The following APOBEC3B variants were observed in gnomAD, a reference collection of about 807,000 sequenced individuals.
APOBEC3B encodes apolipoprotein B mRNA editing enzyme catalytic subunit 3B, also known as DNA dC->dU-editing enzyme APOBEC-3B.
Under a neutral mutation model 53.4 loss-of-function variants are expected in APOBEC3B, and 29 were observed. That is an observed-to-expected ratio of 0.54 (90% CI 0.40 to 0.74). The LOEUF (loss-of-function observed/expected upper bound fraction) is 0.74, where lower values mean the gene tolerates loss of function less well. Among genes scored for constraint, APOBEC3B ranks in the 30% least tolerant of loss-of-function variants. The pLI, the probability that APOBEC3B is intolerant of heterozygous loss-of-function variation, is 0.00. For missense variants in APOBEC3B, 347 were observed against 496.2 expected (o/e 0.70, Z 2.86); for synonymous variants, 132 against 184.8 (o/e 0.71, Z 2.32).
chr22:38,986,436 T>TCA, intron 4 of APOBEC3B, 24 bp downstream of exon 4: 1 of 1,587,286 alleles, frequency 6.3e-7, no homozygotes, highest in Non-Finnish European at 8.6e-7. Flanking sequence ...TCTGGCCTCA[T>TCA]CATCTCTCTC....
rs771980892 is a variant in APOBEC3B, at chr22:38,989,591, T to A, written c.704T>A (p.Met235Lys). The A allele has an allele frequency of 1.3e-6, 2 of 1,578,598 alleles. No homozygotes were observed. The highest frequency in any genetic ancestry group is 3.8e-4 in the Middle Eastern group (2 of 5,264). The change falls in exon 5 of 8, where the codon ATG becomes AAG. Residue 235 changes from methionine (M) to lysine (K), a missense_variant. Met to Lys is a moderately conservative substitution (Grantham distance 95, BLOSUM62 -1). Coordinates refer to ENST00000333467, the MANE Select transcript of APOBEC3B (RefSeq NM_004900.5). ...ACCTGGGTCCTGATGGACCAGCACA[T>A]GGGCTTTCTATGCAACGAGGTGACC... ...NGTWVLMDQH[M>K]GFLCNEAKNL...
chr22:38,989,384 G>C lies in APOBEC3B; in HGVS notation c.570-73G>C, dbSNP rs145106413. ...ATGGGGAGCAGGGAAGGAGTGGGGG[G>C]TGCAGGAGAGGAGCGAGAGGTAGTC... On this transcript the variant is annotated intron_variant, in intron 4 of 7. Coordinates refer to ENST00000333467, the MANE Select transcript of APOBEC3B (RefSeq NM_004900.5). 587 of 1,389,342 alleles carry C rather than the reference G, an allele frequency of 4.2e-4. 113 individuals carry two copies. In the East Asian group the frequency reaches 0.016, roughly 38 times the overall value. The allele number at this position is 1,389,342 out of a possible 1,614,324, so 86.1% of individuals were successfully genotyped here.
intron 4 of APOBEC3B, among the ~76,000 whole-genome samples, chr22:38,986,744 C>G (rs1051153608): frequency 6.7e-6 from 1 of 149,012 alleles, no homozygotes; most frequent in African/African-American, 2.4e-5. Context: ...TTCCAGGGAA[C>G]AACTCTGGGC....
intron 4 of APOBEC3B, among the ~76,000 whole-genome samples, chr22:38,987,849 C>G (rs1195506931): frequency 6.7e-6 from 1 of 148,436 alleles, no homozygotes; most frequent in Non-Finnish European, 1.5e-5. Context: ...ATAATCCTAG[C>G]TCTTTGGGAG....
intron 2 of APOBEC3B, 140 bp downstream of exon 2, chr22:38,984,371 C>G: frequency 9.1e-7 from 1 of 1,101,696 alleles, no homozygotes; most frequent in African/African-American, 1.6e-5. Flanking sequence ...GAGCCCTTAA[C>G]AAAGACAGAC....
rs1367446437 is a variant in APOBEC3B at position 38,987,728 on chromosome 22, C to T, written c.569+1316C>T. 2.0e-5 allele frequency among the ~76,000 whole-genome samples: 3 copies of T among 148,646 alleles called. 1 individual carries two copies. In the East Asian group the frequency reaches 6.8e-4, roughly 34 times the overall value. On this transcript the variant is annotated intron_variant, in intron 4 of 7. Coordinates refer to ENST00000333467, the MANE Select transcript of APOBEC3B (RefSeq NM_004900.5). ...ACACGACCCCAGACACAGGCTCCTC[C>T]TCCGTGAGCACCATTCACCTTTTAG...
chr22:38,983,936 A>G (rs1923630348), intron 1 of APOBEC3B, 139 bp from the exon 2 acceptor site: 2 of 1,037,436 alleles, frequency 1.9e-6, no homozygotes, highest in Non-Finnish European at 2.7e-6. Context: ...CCTGCCTGGG[A>G]AGGCAGCAGA....
In APOBEC3B at chr22:38,991,984, GC is replaced by G. The variant is rs1480674831; in HGVS notation, c.1019-45del. On this transcript the variant is annotated intron_variant, in intron 6 of 7. Coordinates refer to ENST00000333467, the MANE Select transcript of APOBEC3B (RefSeq NM_004900.5). Reference sequence around the variant, plus strand: ...CTGAGAGTCATGGGCCCTTGGTGCTGCCCCCTCCCCACAACAGGAGCGTGAC... The same window carrying G: ...CTGAGAGTCATGGGCCCTTGGTGCTGCCCCTCCCCACAACAGGAGCGTGAC... The G allele has an allele frequency of 7.9e-6, 12 of 1,509,436 alleles. 2 individuals are homozygous for G. Among genetic ancestry groups the G allele is most frequent in the Non-Finnish European group, 1.1e-5 (12 of 1,131,788 alleles). 93.5% of individuals were successfully genotyped at this position (1,509,436 alleles called of 1,614,324 possible). A position where few individuals can be genotyped will look rare whatever the true frequency, so the allele number is the denominator to read the frequency against.
At chr22:38,982,549 T>TGC in intron 1 of APOBEC3B, 79 bp downstream of exon 1, 2 of 1,520,116 alleles carry the variant, frequency 1.3e-6, no homozygotes, top group Non-Finnish European at 9.0e-7. Context: ...AACCCTGGCC[T>TGC]CCCCCCGCCC....
In APOBEC3B at chr22:38,992,655, C is replaced by T; in HGVS notation, c.*210C>T. 3 of 1,367,538 alleles carry T rather than the reference C, an allele frequency of 2.2e-6. No individual in the cohort carries two copies. The highest frequency in any genetic ancestry group is 3.0e-5 in the South Asian group (2 of 66,554). 84.7% of individuals were successfully genotyped at this position (1,367,538 alleles called of 1,614,324 possible). On this transcript the variant is annotated 3_prime_UTR_variant, in exon 8 of 8. Coordinates refer to ENST00000333467, the MANE Select transcript of APOBEC3B (RefSeq NM_004900.5). ...AAATTTCTCTTATGTTCCAAGTGTA[C>T]AAGAGTAAGATTATGCTCAATATTC... is the stretch of plus-strand genomic sequence containing the variant.
At position 38,989,505 on chromosome 22, in the gene APOBEC3B, T is replaced by C. The variant is rs35949382; in HGVS notation, c.618T>C (p.Pro206=). ...DTFTFNFNND[P]LVLRRRQTYL... is the part of the protein sequence containing the mutation. ...TCACTTTCAACTTTAATAATGACCC[T>C]TTGGTCCTTCGACGGCGCCAGACCT... Residue 206 remains proline (P), a synonymous_variant, in exon 5 of 8, where the codon CCT becomes CCC. Transcript: ENST00000333467. The C allele has an allele frequency of 5.8e-3, 9,174 of 1,588,660 alleles. 776 individuals carry two copies. Among genetic ancestry groups the C allele is most frequent in the African/African-American group, 0.057 (4,202 of 74,182 alleles).
intron 6 of APOBEC3B, 114 bp downstream of exon 6, chr22:38,991,740 G>A (rs1429291670): frequency 7.5e-6 from 10 of 1,333,092 alleles, no homozygotes; most frequent in Non-Finnish European, 1.0e-5. Flanking sequence ...TGGACTCTGG[G>A]ACCTGACTTT....
In APOBEC3B at chr22:38,987,167, A is replaced by C. The variant is rs554059556; in HGVS notation, c.569+755A>C. Among the ~76,000 whole-genome samples the C allele has an allele frequency of 1.4e-3, 215 of 148,908 alleles. 8 individuals are homozygous for C. Among genetic ancestry groups the C allele is most frequent in the African/African-American group, 5.0e-3 (204 of 41,012 alleles). ...GACAAGCCTGCCAGGGAGGCTGCAC[A>C]TGAAGCCCCAGATCAGGGACCACTG... is the stretch of plus-strand genomic sequence containing the variant. On this transcript the variant is annotated intron_variant, in intron 4 of 7. Coordinates refer to ENST00000333467, the MANE Select transcript of APOBEC3B (RefSeq NM_004900.5).
At chr22:38,986,493 C>A (rs533905627) in intron 4 of APOBEC3B, 81 bp downstream of exon 4, 1 of 1,474,994 alleles carries the variant, frequency 6.8e-7, no homozygotes, top group Non-Finnish European at 9.2e-7. Flanking sequence ...CTGGCCCTCC[C>A]GCCCTCCCTC....
At chr22:38,983,886 G>A (rs553358785) in intron 1 of APOBEC3B, among the ~76,000 whole-genome samples, 189 bp from the exon 2 acceptor site, 11 of 147,770 alleles carry the variant, frequency 7.4e-5, no homozygotes, top group Non-Finnish European at 1.2e-4. Context: ...ACCCCAGCCC[G>A]CCTGCCAGCA....
At position 38,986,889 on chromosome 22, in the gene APOBEC3B, A is replaced by G. The variant is rs1603267987; in HGVS notation, c.569+477A>G. ...TGTGAAGGCATGGGGGAAGGCAGAC[A>G]CCTGCCCCTGACTCTCCCTCACTAC... On this transcript the variant is annotated intron_variant, in intron 4 of 7. Coordinates refer to ENST00000333467, the MANE Select transcript of APOBEC3B (RefSeq NM_004900.5). 2.0e-5 allele frequency among the ~76,000 whole-genome samples: 3 copies of G among 148,016 alleles called. 1 individual carries two copies. In the East Asian group the frequency reaches 6.9e-4, roughly 34 times the overall value.
chr22:38,983,624 C>T lies in APOBEC3B; in HGVS notation c.18-451C>T, dbSNP rs115608253. Among the ~76,000 whole-genome samples, 1,135 of 149,172 alleles carry T rather than the reference C, an allele frequency of 7.6e-3. 67 individuals are homozygous for T. Among genetic ancestry groups the T allele is most frequent in the African/African-American group, 0.022 (910 of 41,076 alleles). ...GGGTAGCCTCACGTGAGCTCACACC[C>T]GCTCAGCACTTAGAAGAGTGGCCTG... On this transcript the variant is annotated intron_variant, in intron 1 of 7. Coordinates refer to ENST00000333467, the MANE Select transcript of APOBEC3B (RefSeq NM_004900.5).
Position 38,989,459 on chromosome 22 carries a change from A to G in APOBEC3B, c.572A>G (p.Tyr191Cys). The G allele has an allele frequency of 6.4e-7, 1 of 1,566,338 alleles. No homozygotes were observed. ...LHRTLKEILR[Y>C]LMDPDTFTFN... is the part of the protein sequence containing the mutation. ...GTTTCCCCTGTCTTTGTCCACAGAT[A>G]CCTGATGGATCCAGACACATTCACT... is the stretch of plus-strand genomic sequence containing the variant. The change falls in exon 5 of 8, where the codon TAC becomes TGC. Residue 191 changes from tyrosine to cysteine, a missense_variant and splice_region_variant. This residue lies in a region of APOBEC3B where 156 missense variants were observed against 166.7 expected (regional missense o/e 0.94). Coordinates refer to ENST00000333467, the MANE Select transcript of APOBEC3B (RefSeq NM_004900.5).
At chr22:38,983,742 AT>A (rs1923622830) in intron 1 of APOBEC3B, among the ~76,000 whole-genome samples, 1 of 149,118 alleles carries the variant, frequency 6.7e-6, no homozygotes, top group Admixed American at 6.9e-5. Flanking sequence ...GTTAAAAGCT[AT>A]TTTTTAGGGG....
Sources: allele counts gnomAD v4.1 joint callset (sites outside exome capture counted in the v4.1 genomes callset), GRCh38; gene constraint gnomAD v4.1.1; regional missense constraint gnomAD v4.1.1; transcripts MANE v1.5; gene names NCBI Gene and HGNC (gene_info 2026-07-23, HGNC 2026-07-21).